The following WDR64 variants were observed in gnomAD, a reference collection of about 807,000 sequenced individuals.
The protein encoded by WDR64 is WD repeat-containing protein 64.
Under a neutral mutation model 139.3 loss-of-function variants are expected in WDR64, and 112 were observed. That is an observed-to-expected ratio of 0.80 (90% CI 0.69 to 0.94). The LOEUF (loss-of-function observed/expected upper bound fraction) is 0.94, where lower values mean the gene tolerates loss of function less well. Among genes scored for constraint, WDR64 ranks in the 40% least tolerant of loss-of-function variants. WDR64 has a pLI of 0.00. For missense variants in WDR64, 1,206 were observed against 1,293.1 expected (o/e 0.93, Z 1.03); for synonymous variants, 444 against 437.7 (o/e 1.01, Z -0.18).
intron 24 of WDR64, among the ~76,000 whole-genome samples, chr1:241,790,273 C>T (rs535141676): frequency 6.6e-6 from 1 of 152,288 alleles, no homozygotes; most frequent in East Asian, 1.9e-4. Flanking sequence ...ATTGCTTGAA[C>T]CTGGGAGGCA....
chr1:241,793,837 C>T (rs977911666), intron 25 of WDR64, among the ~76,000 whole-genome samples: 1 of 152,246 alleles, frequency 6.6e-6, no homozygotes, highest in Non-Finnish European at 1.5e-5. Context: ...GGCTCCATGT[C>T]TCCCTGCTTC....
chr1:241,741,813 C>G, intron 12 of WDR64, 149 bp downstream of exon 12: 1 of 906,434 alleles, frequency 1.1e-6, no homozygotes, highest in Non-Finnish European at 1.5e-6. Flanking sequence ...TCCATGAGTA[C>G]GTGAAAAACA....
chr1:241,690,094 A>C (rs940942044), intron 8 of WDR64, among the ~76,000 whole-genome samples: 9 of 152,186 alleles, frequency 5.9e-5, no homozygotes, highest in African/African-American at 2.2e-4. Context: ...AGATCCAGTA[A>C]TATCAGAAAG....
At chr1:241,688,762 C>A (rs181662332) in intron 8 of WDR64, among the ~76,000 whole-genome samples, 2 of 152,160 alleles carry the variant, frequency 1.3e-5, no homozygotes, top group Admixed American at 1.3e-4. Flanking sequence ...TTGTAATGGA[C>A]AAGTGCTCAG....
At position 241,786,603 on chromosome 1, in the gene WDR64, A is replaced by G. The variant is rs558087026; in HGVS notation, c.2706-1246A>G. The stretch of plus-strand genomic sequence containing the variant: ...TAAAAATTAGCAGGGTATTTGCACA[A>G]TAGTAGCAGCTGTGGATGGAGGTTG... On this transcript the variant is annotated intron_variant, in intron 23 of 27. Coordinates refer to ENST00000437684, the MANE Select transcript of WDR64 (RefSeq NM_001367482.1). Among the ~76,000 whole-genome samples, 4 of 152,158 alleles carry G rather than the reference A, an allele frequency of 2.6e-5. 1 individual carries two copies. In the South Asian group the frequency reaches 8.3e-4, roughly 31 times the overall value.
At chr1:241,711,133 A>G (rs927978287) in intron 8 of WDR64, among the ~76,000 whole-genome samples, 2 of 151,846 alleles carry the variant, frequency 1.3e-5, no homozygotes, top group African/African-American at 4.8e-5. Flanking sequence ...GCTACTCAGG[A>G]GGCTGAGGCA....
rs371279923 is a variant in WDR64 at position 241,766,329 on chromosome 1, G to T, written c.2059G>T (p.Val687Leu). Residue 687 changes from valine to leucine, a missense_variant, in exon 16 of 28, where the codon GTG (valine) becomes TTG (leucine). By Grantham distance (32) the Val-to-Leu change is conservative. Coordinates refer to ENST00000437684, the MANE Select transcript of WDR64 (RefSeq NM_001367482.1). ...LNGVIILWNFVTSTVKKVYRP... is the reference protein window; with the variant it reads ...LNGVIILWNFLTSTVKKVYRP... Reference sequence around the variant, plus strand: ...TGGTGTGATCATCTTATGGAATTTTGTGACGTCTACTGTCAAAAAAGTGTA... The same window carrying T: ...TGGTGTGATCATCTTATGGAATTTTTTGACGTCTACTGTCAAAAAAGTGTA... 1.2e-6 allele frequency: 2 copies of T among 1,613,844 alleles called. No individual in the cohort carries two copies. Among genetic ancestry groups the T allele is most frequent in the African/African-American group, 2.7e-5 (2 of 74,882 alleles).
chr1:241,774,905 C>A (rs753435101), intron 20 of WDR64, among the ~76,000 whole-genome samples, 200 bp from the exon 21 acceptor site: 1 of 152,004 alleles, frequency 6.6e-6, no homozygotes, highest in Non-Finnish European at 1.5e-5. Flanking sequence ...TTGTCCATAC[C>A]TTTAGTATAT....
chr1:241,784,073 A>T (rs1008681631), intron 23 of WDR64, among the ~76,000 whole-genome samples: 26 of 152,208 alleles, frequency 1.7e-4, no homozygotes, highest in African/African-American at 5.8e-4. Flanking sequence ...GGAATATTTT[A>T]TGCTGCATAA....
chr1:241,745,038 G>C (rs1273862980), intron 13 of WDR64, among the ~76,000 whole-genome samples: 1 of 152,188 alleles, frequency 6.6e-6, no homozygotes, highest in African/African-American at 2.4e-5. Context: ...CCCAGGTTGG[G>C]CTAGGCCGTT....
intron 1 of WDR64, among the ~76,000 whole-genome samples, chr1:241,653,201 G>C (rs947341881): frequency 1.3e-4 from 20 of 152,240 alleles, no homozygotes; most frequent in African/African-American, 4.6e-4. Flanking sequence ...GAGTGGTGTA[G>C]TGTACAGCTT....
intron 15 of WDR64, among the ~76,000 whole-genome samples, chr1:241,762,291 ATTTTGAAAGGAATCTT>A (rs1348610052): frequency 6.8e-6 from 1 of 147,018 alleles, no homozygotes; most frequent in African/African-American, 2.7e-5. Flanking sequence ...GAGCAGTAAT[ATTTTGAAAGGAATCTT>A]TTTTTTTTCT....
At chr1:241,743,678 G>T (rs1427762538) in intron 12 of WDR64, among the ~76,000 whole-genome samples, 1 of 152,160 alleles carries the variant, frequency 6.6e-6, no homozygotes, top group Non-Finnish European at 1.5e-5. Context: ...TCTGAACATG[G>T]CAACTCCATG....
intron 10 of WDR64, among the ~76,000 whole-genome samples, chr1:241,729,906 T>C (rs1358162240): frequency 1.3e-5 from 2 of 152,216 alleles, no homozygotes; most frequent in African/African-American, 2.4e-5. Flanking sequence ...CTGGTTTCAC[T>C]GCCTTCATAT....
intron 14 of WDR64, among the ~76,000 whole-genome samples, chr1:241,752,140 T>C (rs1670004126): frequency 1.3e-5 from 2 of 152,180 alleles, no homozygotes; most frequent in Non-Finnish European, 2.9e-5. Flanking sequence ...TAAATGATCT[T>C]TCTTTATGAA....
At chr1:241,729,142 A>T (rs974577601) in intron 10 of WDR64, among the ~76,000 whole-genome samples, 15 of 152,118 alleles carry the variant, frequency 9.9e-5, no homozygotes, top group African/African-American at 3.4e-4. Context: ...GTCACCTTTG[A>T]TCCTTCTATC....
chr1:241,672,467 C>T (rs1403707618), intron 3 of WDR64, among the ~76,000 whole-genome samples: 1 of 152,278 alleles, frequency 6.6e-6, no homozygotes, highest in South Asian at 2.1e-4. Flanking sequence ...TTCTGTAATT[C>T]ATTTATCACT....
At chr1:241,793,289 G>A (rs1235453312) in intron 25 of WDR64, among the ~76,000 whole-genome samples, 2 of 152,210 alleles carry the variant, frequency 1.3e-5, no homozygotes, top group Non-Finnish European at 2.9e-5. Context: ...GAGGGTAGAT[G>A]AGCAGGAGTG....
intron 24 of WDR64, among the ~76,000 whole-genome samples, chr1:241,789,009 T>A (rs1030427596): frequency 6.6e-6 from 1 of 152,170 alleles, no homozygotes; most frequent in African/African-American, 2.4e-5. Context: ...ATACTGTGAG[T>A]TCCTTGAAGA....
Sources: gnomAD v4.1 joint callset for allele counts (sites outside exome capture counted in the v4.1 genomes callset) on GRCh38, gnomAD v4.1.1 for gene constraint, MANE v1.5 for transcripts, NCBI Gene and HGNC (gene_info 2026-07-23, HGNC 2026-07-21) for gene names.